Variants in CTNNA2 observed in about 807,000 individuals in gnomAD.
CTNNA2 encodes the protein catenin alpha 2, also known as catenin alpha-2.
In CTNNA2, 42 loss-of-function variants were observed where a neutral mutation model predicts 101.0. The observed-to-expected ratio is 0.42, with a 90% CI of 0.32 to 0.54. CTNNA2 has a LOEUF of 0.54. Among genes scored for constraint, CTNNA2 ranks in the 20% least tolerant of loss-of-function variants. The pLI is 0.14. For synonymous variants in CTNNA2, 450 were observed against 456.4 expected (o/e 0.99, Z 0.18); for missense variants, 871 against 1,223.1 (o/e 0.71, Z 4.29).
chr2:79,455,618 C>T (rs1185614475), intron 4 of CTNNA2, among the ~76,000 whole-genome samples: 1 of 152,172 alleles, frequency 6.6e-6, no homozygotes, highest in African/African-American at 2.4e-5. Flanking sequence ...TTTAAATGCT[C>T]TTCAAAAAAC....
At chr2:79,607,811 A>T (rs1677994218) in intron 1 of CTNNA2, among the ~76,000 whole-genome samples, 1 of 152,162 alleles carries the variant, frequency 6.6e-6, no homozygotes, top group Non-Finnish European at 1.5e-5. Flanking sequence ...ATATAAGAAA[A>T]AAGAAATATC....
chr2:80,071,453 T>C (rs561757653), intron 7 of CTNNA2, among the ~76,000 whole-genome samples: 1 of 152,348 alleles, frequency 6.6e-6, no homozygotes, highest in South Asian at 2.1e-4. Context: ...ACATGTTTAA[T>C]CAAGACCTTG....
intron 7 of CTNNA2, among the ~76,000 whole-genome samples, chr2:80,268,063 G>T (rs1288160701): frequency 1.3e-5 from 2 of 152,246 alleles, no homozygotes; most frequent in Non-Finnish European, 1.5e-5. Context: ...TGCAGGGGCT[G>T]TAAGCCCACA....
At chr2:79,949,526 G>A (rs1051144520) in intron 7 of CTNNA2, among the ~76,000 whole-genome samples, 1 of 152,130 alleles carries the variant, frequency 6.6e-6, no homozygotes, top group African/African-American at 2.4e-5. Context: ...CCAGTACTTT[G>A]GGAGGCAAAG....
chr2:80,263,948 T>A (rs940785852), intron 7 of CTNNA2, among the ~76,000 whole-genome samples: 6 of 152,242 alleles, frequency 3.9e-5, no homozygotes, highest in African/African-American at 1.4e-4. Context: ...TACTTAGGCT[T>A]ATTAAAGCAT....
At chr2:80,022,459 G>A (rs895137999) in intron 7 of CTNNA2, among the ~76,000 whole-genome samples, 2 of 152,204 alleles carry the variant, frequency 1.3e-5, no homozygotes, top group African/African-American at 4.8e-5. Context: ...AGAGCTGAAG[G>A]GCAAATGAGA....
At chr2:80,146,930 TTG>T (rs1703383268) in intron 7 of CTNNA2, among the ~76,000 whole-genome samples, 1 of 130,136 alleles carries the variant, frequency 7.7e-6, no homozygotes, top group Non-Finnish European at 1.7e-5. Context: ...TTTTTGTATT[TTG>T]TATTTTATTT....
intron 1 of CTNNA2, among the ~76,000 whole-genome samples, chr2:79,562,851 T>G (rs935226787): frequency 1.3e-5 from 2 of 151,926 alleles, no homozygotes; most frequent in Non-Finnish European, 2.9e-5. Context: ...TAAAAAAAGC[T>G]GAGTGTTGTT....
At position 79,565,681 on chromosome 2, in the gene CTNNA2, C is replaced by A. The variant is rs184462818; in HGVS notation, c.-6+52474C>A. On this transcript the variant is annotated intron_variant, in intron 1 of 18. Coordinates refer to ENST00000402739, the MANE Select transcript of CTNNA2 (RefSeq NM_001282597.3). The stretch of plus-strand genomic sequence containing the variant: ...GTCAAGGTTATTCTCAGGCTTTGTG[C>A]AATTGTTGAAGTCATACAGGAGGAG... Among the ~76,000 whole-genome samples, 4 of 152,082 alleles carry A rather than the reference C, an allele frequency of 2.6e-5. No individual in the cohort carries two copies. In the East Asian group the frequency reaches 7.8e-4, roughly 30 times the overall value.
At chr2:79,395,358 A>G (rs1310359112) in intron 4 of CTNNA2, among the ~76,000 whole-genome samples, 1 of 152,018 alleles carries the variant, frequency 6.6e-6, no homozygotes, top group East Asian at 1.9e-4. Flanking sequence ...ATCATTTAGC[A>G]TTAGGTATAT....
intron 7 of CTNNA2, among the ~76,000 whole-genome samples, chr2:80,021,879 G>A (rs566431922): frequency 2.0e-5 from 3 of 150,566 alleles, no homozygotes; most frequent in Admixed American, 2.0e-4. Context: ...AATTATATGT[G>A]CCATATATCC....
At chr2:79,747,156 ATTAC>A (rs1300140955) in intron 3 of CTNNA2, among the ~76,000 whole-genome samples, 1 of 152,140 alleles carries the variant, frequency 6.6e-6, no homozygotes, top group Non-Finnish European at 1.5e-5. Flanking sequence ...AACTTAAATT[ATTAC>A]TTTAATTTGC....
intron 4 of CTNNA2, among the ~76,000 whole-genome samples, chr2:79,405,655 G>A (rs374509652): frequency 6.6e-6 from 1 of 151,842 alleles, no homozygotes; most frequent in East Asian, 1.9e-4. Context: ...ATTTTTCATT[G>A]ACACAGAGTA....
At chr2:79,300,538 C>T (rs1676084177) in intron 2 of CTNNA2, among the ~76,000 whole-genome samples, 1 of 152,176 alleles carries the variant, frequency 6.6e-6, no homozygotes, top group South Asian at 2.1e-4. Flanking sequence ...ATGGCAACCA[C>T]ATCAGTATAC....
rs1202867682 is a variant in CTNNA2, at chr2:79,369,372, T to C, written c.-317-4459T>C. 2.0e-5 allele frequency among the ~76,000 whole-genome samples: 3 copies of C among 152,194 alleles called. No individual in the cohort carries two copies. In the East Asian group the frequency reaches 5.8e-4, roughly 29 times the overall value. On this transcript the variant is annotated intron_variant, in intron 3 of 21. Coordinates refer to the CTNNA2 transcript ENST00000466387. ...CCCGCAGCCCCCGAGCACTGCCAGC[T>C]GCTGCTGCTGCGATCCCAGTGTCTG...
chr2:79,647,270 C>T lies in CTNNA2; in HGVS notation c.-5-4282C>T, dbSNP rs1420169575. On this transcript the variant is annotated intron_variant, in intron 1 of 18. Coordinates refer to ENST00000402739, the MANE Select transcript of CTNNA2 (RefSeq NM_001282597.3). ...TATTTTAATGAGTGTTTACCTGTTACTTCAGAGATAAAGAATTGCCAAAAA... is the reference window on the plus strand; with the variant it reads ...TATTTTAATGAGTGTTTACCTGTTATTTCAGAGATAAAGAATTGCCAAAAA... Among the ~76,000 whole-genome samples, 5 of 152,212 alleles carry T rather than the reference C, an allele frequency of 3.3e-5. No homozygotes were observed. In the South Asian group the frequency reaches 8.3e-4, roughly 25 times the overall value.
chr2:79,403,032 A>G (rs1040231922), intron 4 of CTNNA2, among the ~76,000 whole-genome samples: 1 of 151,810 alleles, frequency 6.6e-6, no homozygotes, highest in Non-Finnish European at 1.5e-5. Flanking sequence ...TAAAATTAAT[A>G]ACCTAACATT....
At chr2:80,640,593 G>A (rs558909070) in intron 18 of CTNNA2, among the ~76,000 whole-genome samples, 1 of 152,316 alleles carries the variant, frequency 6.6e-6, no homozygotes, top group East Asian at 1.9e-4. Flanking sequence ...TCTGGAAAAT[G>A]TACGCAGGTA....
At chr2:80,543,303 C>T (rs1263611117) in intron 9 of CTNNA2, among the ~76,000 whole-genome samples, 1 of 152,098 alleles carries the variant, frequency 6.6e-6, no homozygotes, top group Non-Finnish European at 1.5e-5. Context: ...GTTCCTGCCC[C>T]ACATCTAAGA....
Sources: allele counts gnomAD v4.1 joint callset (sites outside exome capture counted in the v4.1 genomes callset), GRCh38; gene constraint gnomAD v4.1.1; transcripts MANE v1.5; gene names NCBI Gene and HGNC (gene_info 2026-07-23, HGNC 2026-07-21).